Variants in OS9 observed in about 807,000 individuals in gnomAD.
OS9 encodes the protein OS9 endoplasmic reticulum lectin.
A neutral mutation model predicts 84.7 loss-of-function variants in OS9; 58 were observed. That is an observed-to-expected ratio of 0.68 (90% CI 0.55 to 0.85). OS9 has a LOEUF of 0.85. OS9 is among the 40% of genes least tolerant of loss of function. The pLI is 0.00. For missense variants in OS9, 760 were observed against 850.9 expected (o/e 0.89, Z 1.33); for synonymous variants, 278 against 320.8 (o/e 0.87, Z 1.43).
At chr12:57,697,908 A>AACACACAC (rs1265642283) in intron 5 of OS9, among the ~76,000 whole-genome samples, 8 of 75,228 alleles carry the variant, frequency 1.1e-4, no homozygotes, top group African/African-American at 3.6e-4. Context: ...AACATAAGCA[A>AACACACAC]ACACACACAC....
chr12:57,697,913 ACACACACACATACACACAC>A (rs1565767035), intron 5 of OS9, among the ~76,000 whole-genome samples: 10,621 of 123,336 alleles, frequency 0.086, 608 homozygotes, highest in Non-Finnish European at 0.1. Flanking sequence ...AAGCAAACAC[ACACACACACATACACACAC>A]ACACACACAC....
In OS9 at chr12:57,720,188, C is replaced by T. The variant is rs759411571; in HGVS notation, c.1690C>T (p.Arg564Trp). ...GGATCTGACTGTCCTCGAGATGAAA[C>T]GGGAAAACCCACAGCTGAAACAAAT... The part of the protein sequence containing the change: ...NQDLTVLEMK[R>W]ENPQLKQIEG... Residue 564 changes from arginine to tryptophan, a missense_variant, in exon 13 of 15, where the codon CGG becomes TGG. Transcript: ENST00000315970. 1.1e-5 allele frequency: 18 copies of T among 1,614,058 alleles called. No individual in the cohort carries two copies. Among genetic ancestry groups the T allele is most frequent in the South Asian group, 9.9e-5 (9 of 91,084 alleles).
intron 5 of OS9, among the ~76,000 whole-genome samples, chr12:57,709,429 A>T (rs1954265020): frequency 6.6e-6 from 1 of 152,192 alleles, no homozygotes; most frequent in Non-Finnish European, 1.5e-5. Context: ...ATTTCTAAAC[A>T]AATGTGTTTT....
chr12:57,720,641 A>G (rs1954653479), intron 14 of OS9, 123 bp downstream of exon 14: 1 of 1,264,042 alleles, frequency 7.9e-7, no homozygotes, highest in African/African-American at 1.5e-5. Context: ...CTGGGGTTCC[A>G]GTGGCTCAGA....
chr12:57,704,968 A>G (rs770970926), intron 5 of OS9, among the ~76,000 whole-genome samples: 9 of 152,274 alleles, frequency 5.9e-5, no homozygotes, highest in Middle Eastern at 3.4e-3. Flanking sequence ...AGATACACCT[A>G]TTTTCCACAG....
chr12:57,716,422 G>A lies in OS9; in HGVS notation c.903G>A (p.Pro301=), dbSNP rs143623811. ...TTCTCTGTACCCTAGGTGCGAGCCC[G>A]ACCAAGGATGACAGTAAGGACTCAG... ...VAPQKMAGAS[P]TKDDSKDSDF... is the part of the protein sequence containing the mutation. Residue 301 remains proline (P), a synonymous_variant, in exon 8 of 15, where the codon CCG becomes CCA. Coordinates refer to ENST00000315970, the MANE Select transcript of OS9 (RefSeq NM_006812.4). 29 of 1,556,978 alleles carry A rather than the reference G, an allele frequency of 1.9e-5. No homozygotes were observed. The highest frequency in any genetic ancestry group is 2.7e-5 in the African/African-American group (2 of 73,448).
At chr12:57,720,056 C>G (rs1158269979) in intron 12 of OS9, 43 bp from the exon 13 acceptor site, 15 of 1,592,538 alleles carry the variant, frequency 9.4e-6, no homozygotes, top group Admixed American at 1.7e-5. Context: ...ACCCTGGAGT[C>G]ACGCCTCTGC....
intron 10 of OS9, 33 bp from the exon 11 acceptor site, chr12:57,718,113 A>G (rs768222275): frequency 3.1e-6 from 5 of 1,602,208 alleles, no homozygotes; most frequent in Admixed American, 3.4e-5. Context: ...TTGAAACCCC[A>G]ACTGTCTTTC....
rs1954644877 is a variant in OS9 at position 57,720,462 on chromosome 12, C to T, written c.1822C>T (p.Arg608Cys). 7 of 1,614,060 alleles carry T rather than the reference C, an allele frequency of 4.3e-6. No homozygotes were observed. Among genetic ancestry groups the T allele is most frequent in the South Asian group, 2.2e-5 (2 of 91,082 alleles). The change falls in exon 14 of 15, where the codon CGT (arginine) becomes TGT (cysteine). Residue 608 changes from arginine to cysteine, a missense_variant. Arg to Cys is a radical substitution (Grantham distance 180). Coordinates refer to ENST00000315970, the MANE Select transcript of OS9 (RefSeq NM_006812.4). ...PWAEGTEEGARWLTDEDTRNL... is the reference protein window; with the variant it reads ...PWAEGTEEGACWLTDEDTRNL... ...GGCTGAAGGGACTGAAGAGGGTGCACGTTGGCTGACTGATGAGGACACGAG... is the reference window on the plus strand; with the variant it reads ...GGCTGAAGGGACTGAAGAGGGTGCATGTTGGCTGACTGATGAGGACACGAG...
Position 57,720,093 on chromosome 12 carries a change from T to G in OS9, c.1601-6T>G. ...TTGTGTTTCCCTGTGTGTCTCCCCC[T>G]CTAAGAGGAGGATCCTGAGCACAGA... On this transcript the variant is annotated splice_polypyrimidine_tract_variant and splice_region_variant and intron_variant, in intron 12 of 14. Transcript: ENST00000315970. 1 of 1,613,066 alleles carries G rather than the reference T, an allele frequency of 6.2e-7. No individual in the cohort carries two copies. Among genetic ancestry groups the G allele is most frequent in the South Asian group, 1.1e-5 (1 of 91,024 alleles).
In OS9 at chr12:57,694,436, G is replaced by A. The variant is rs576363367; in HGVS notation, c.162+113G>A. 4 of 1,169,504 alleles carry A rather than the reference G, an allele frequency of 3.4e-6. No individual in the cohort carries two copies. In the South Asian group the frequency reaches 4.2e-5, roughly 12 times the overall value. The allele number at this position is 1,169,504 out of a possible 1,614,324, so 72.4% of individuals were successfully genotyped here. A position where few individuals can be genotyped will look rare whatever the true frequency, so the allele number is the denominator to read the frequency against. ...TGGAGCCTACGGGGAATCGGGAAGA[G>A]TAGGTATTGCTTTTACGGTGACCCC... On this transcript the variant is annotated intron_variant, in intron 1 of 14. Coordinates refer to ENST00000315970, the MANE Select transcript of OS9 (RefSeq NM_006812.4).
chr12:57,704,397 C>T (rs1306219611), intron 5 of OS9, among the ~76,000 whole-genome samples: 4 of 151,718 alleles, frequency 2.6e-5, no homozygotes, highest in Non-Finnish European at 4.4e-5. Context: ...ATTAGCTGGG[C>T]GTGGTGGCGC....
chr12:57,714,778 TG>T (rs1459040913), intron 5 of OS9, among the ~76,000 whole-genome samples: 14 of 152,064 alleles, frequency 9.2e-5, no homozygotes, highest in Admixed American at 2.0e-4. Context: ...AAAAATTTTT[TG>T]TGGAGATGAG....
At chr12:57,715,429 A>G (rs1254429935) in intron 5 of OS9, among the ~76,000 whole-genome samples, 1 of 151,664 alleles carries the variant, frequency 6.6e-6, no homozygotes, top group Non-Finnish European at 1.5e-5. Context: ...CACACACACA[A>G]TATTTATACA....
chr12:57,697,733 C>T (rs1238738219), intron 5 of OS9, among the ~76,000 whole-genome samples: 1 of 152,084 alleles, frequency 6.6e-6, no homozygotes, highest in Non-Finnish European at 1.5e-5. Context: ...CTTTTTCTGT[C>T]CTTCGAACCA....
In OS9 at chr12:57,720,210, A is replaced by G; in HGVS notation, c.1712A>G (p.Gln571Arg). ...AAACGGGAAAACCCACAGCTGAAAC[A>G]AATCGAGGGGCTGGTGAAGGAGCTG... Reference protein sequence around the residue: ...EMKRENPQLKQIEGLVKELLE... With the variant: ...EMKRENPQLKRIEGLVKELLE... The change falls in exon 13 of 15, where the codon CAA becomes CGA. Residue 571 changes from glutamine (Q) to arginine (R), a missense_variant. Physicochemically the swap from Gln to Arg is conservative, Grantham distance 43. Coordinates refer to ENST00000315970, the MANE Select transcript of OS9 (RefSeq NM_006812.4). 6.2e-7 allele frequency: 1 copy of G among 1,614,204 alleles called. No homozygotes were observed. Among genetic ancestry groups the G allele is most frequent in the South Asian group, 1.1e-5 (1 of 91,084 alleles).
chr12:57,697,862 A>AACACACAC (rs71084786), intron 5 of OS9, among the ~76,000 whole-genome samples: 2,959 of 116,430 alleles, frequency 0.025, 102 homozygotes, highest in Non-Finnish European at 0.036. Flanking sequence ...AACATAAGCA[A>AACACACAC]ACACACACAC....
At chr12:57,704,796 A>G (rs1268149195) in intron 5 of OS9, among the ~76,000 whole-genome samples, 1 of 152,108 alleles carries the variant, frequency 6.6e-6, no homozygotes, top group Non-Finnish European at 1.5e-5. Context: ...TTTTCTTTAT[A>G]CCTTATACAT....
chr12:57,717,851 T>A lies in OS9; in HGVS notation c.1046-19T>A, dbSNP rs760533407. On this transcript the variant is annotated intron_variant, in intron 9 of 14. Transcript: ENST00000315970. Reference sequence around the variant, plus strand: ...AAACACAACAGAACAGGTTCATGATTATTATTCTTTCATCTCAGATTTTCA... The same window carrying A: ...AAACACAACAGAACAGGTTCATGATAATTATTCTTTCATCTCAGATTTTCA... 6.7e-7 allele frequency: 1 copy of A among 1,503,518 alleles called. No homozygotes were observed. The highest frequency in any genetic ancestry group is 2.3e-5 in the East Asian group (1 of 44,266). The allele number at this position is 1,503,518 out of a possible 1,614,324, so 93.1% of individuals were successfully genotyped here.
Sources: allele counts gnomAD v4.1 joint callset (sites outside exome capture counted in the v4.1 genomes callset), GRCh38; gene constraint gnomAD v4.1.1; transcripts MANE v1.5; gene names NCBI Gene and HGNC (gene_info 2026-07-23, HGNC 2026-07-21).